Variants in USH2A observed in about 807,000 individuals in gnomAD.
USH2A encodes the protein Usher syndrome 2A (autosomal recessive, mild).
A neutral mutation model predicts 538.9 loss-of-function variants in USH2A; 443 were observed. That is an observed-to-expected ratio of 0.82 (90% confidence interval 0.76 to 0.89). The LOEUF is 0.89. Ranked by LOEUF, USH2A falls within the 40% of genes least tolerant of loss-of-function variation. The pLI, the probability that USH2A is intolerant of heterozygous loss-of-function variation, is 0.00. For missense variants in USH2A, 6,633 were observed against 6,324.8 expected (o/e 1.05, Z -1.65); for synonymous variants, 2,413 against 2,273.5 (o/e 1.06, Z -1.75).
At chr1:216,362,001 A>T (rs1455361812) in intron 4 of USH2A, among the ~76,000 whole-genome samples, 1 of 152,058 alleles carries the variant, frequency 6.6e-6, no homozygotes, top group African/African-American at 2.4e-5. Context: ...TCATTAGGGG[A>T]CTCTGAGATT....
intron 64 of USH2A, among the ~76,000 whole-genome samples, chr1:215,651,814 C>T (rs1571931906): frequency 6.6e-6 from 1 of 152,264 alleles, no homozygotes; most frequent in African/African-American, 2.4e-5. Flanking sequence ...AGAGAAGAAA[C>T]ATTAGACAGA....
chr1:216,374,296 A>AG (rs1056924607), intron 3 of USH2A, among the ~76,000 whole-genome samples: 3 of 151,832 alleles, frequency 2.0e-5, no homozygotes, highest in Non-Finnish European at 4.4e-5. Flanking sequence ...CCCAAAAAAA[A>AG]AAAGAGTTCT....
At chr1:216,278,002 C>G (rs1334225554) in intron 11 of USH2A, among the ~76,000 whole-genome samples, 1 of 152,092 alleles carries the variant, frequency 6.6e-6, no homozygotes, top group Non-Finnish European at 1.5e-5. Context: ...TTTGTTACAT[C>G]TGTTTAGCCT....
At chr1:216,271,397 T>C (rs1162942220) in intron 11 of USH2A, among the ~76,000 whole-genome samples, 1 of 152,018 alleles carries the variant, frequency 6.6e-6, no homozygotes, top group African/African-American at 2.4e-5. Context: ...GAGGAGGGGA[T>C]TGTATGTGGG....
intron 61 of USH2A, among the ~76,000 whole-genome samples, chr1:215,701,173 C>T (rs149271196): frequency 0.025 from 3,770 of 152,108 alleles, 148 homozygotes; most frequent in African/African-American, 0.086. Flanking sequence ...TTCTGAGAGA[C>T]TGTTATGATT....
chr1:216,332,490 G>A (rs2037887091), intron 4 of USH2A, among the ~76,000 whole-genome samples: 1 of 152,110 alleles, frequency 6.6e-6, no homozygotes, highest in African/African-American at 2.4e-5. Flanking sequence ...GGCTAAGTAT[G>A]TGCTCAGGTA....
chr1:216,005,695 A>G lies in USH2A; in HGVS notation c.6326-5133T>C, dbSNP rs184885023. Reference sequence around the variant, plus strand: ...TAAGACAAAGGAGATTTACCATTAAATACGAGAAAAAGGCAAAGCTGTACC... The same window carrying G: ...TAAGACAAAGGAGATTTACCATTAAGTACGAGAAAAAGGCAAAGCTGTACC... On this transcript the variant is annotated intron_variant, in intron 32 of 71. Coordinates refer to ENST00000307340, the MANE Select transcript of USH2A (RefSeq NM_206933.4). 2.1e-3 allele frequency among the ~76,000 whole-genome samples: 327 copies of G among 152,314 alleles called. 1 individual carries two copies. Among genetic ancestry groups the G allele is most frequent in the Non-Finnish European group, 3.8e-3 (259 of 68,020 alleles).
At chr1:216,207,061 A>G (rs560437912) in intron 16 of USH2A, among the ~76,000 whole-genome samples, 1 of 152,088 alleles carries the variant, frequency 6.6e-6, no homozygotes, top group African/African-American at 2.4e-5. Context: ...ATCTTTGAGA[A>G]TGTGATAAGC....
intron 20 of USH2A, 103 bp downstream of exon 20, chr1:216,190,120 G>C (rs1423569906): frequency 1.4e-5 from 21 of 1,492,314 alleles, no homozygotes; most frequent in Non-Finnish European, 1.9e-5. Context: ...TAGTGAGGGA[G>C]GAGAAGACAA....
intron 21 of USH2A, among the ~76,000 whole-genome samples, chr1:216,153,141 A>ATT (rs2033873289): frequency 6.6e-6 from 1 of 152,082 alleles, no homozygotes; most frequent in Non-Finnish European, 1.5e-5. Context: ...AATCCCCCAC[A>ATT]TTTACCATCC....
intron 9 of USH2A, among the ~76,000 whole-genome samples, chr1:216,321,188 C>G (rs1398096844): frequency 6.6e-6 from 1 of 152,122 alleles, no homozygotes; most frequent in Non-Finnish European, 1.5e-5. Context: ...ATTATCTACT[C>G]TCATTATTGG....
At chr1:216,386,682 C>T (rs995280133) in intron 3 of USH2A, among the ~76,000 whole-genome samples, 1 of 150,780 alleles carries the variant, frequency 6.6e-6, no homozygotes, top group African/African-American at 2.4e-5. Flanking sequence ...AGTGAAACCC[C>T]GTCTCTACTA....
At chr1:215,913,428 T>C (rs1439353474) in intron 38 of USH2A, among the ~76,000 whole-genome samples, 1 of 152,120 alleles carries the variant, frequency 6.6e-6, no homozygotes, top group Non-Finnish European at 1.5e-5. Context: ...ACCTGTTAAA[T>C]GACTAAGACT....
intron 59 of USH2A, among the ~76,000 whole-genome samples, chr1:215,742,407 CAT>C (rs1383253048): frequency 3.3e-5 from 5 of 151,680 alleles, no homozygotes; most frequent in Non-Finnish European, 7.4e-5. Context: ...CGTTATATAA[CAT>C]ATATGATGAG....
chr1:216,348,326 T>A (rs1276649085), intron 4 of USH2A, among the ~76,000 whole-genome samples: 1 of 152,178 alleles, frequency 6.6e-6, no homozygotes, highest in Non-Finnish European at 1.5e-5. Context: ...TCTTGACTTA[T>A]AAAGCCAATA....
At chr1:215,682,866 A>AT (rs1558052278) in intron 61 of USH2A, among the ~76,000 whole-genome samples, 14 of 151,102 alleles carry the variant, frequency 9.3e-5, no homozygotes, top group South Asian at 2.1e-4. Context: ...TATTTATTTA[A>AT]TTTATTATTA....
Position 215,675,611 on chromosome 1 carries a change from G to T in USH2A, c.12300C>A (p.Tyr4100Ter), listed in dbSNP as rs1657997730. 4 of 1,614,088 alleles carry T rather than the reference G, an allele frequency of 2.5e-6. No individual in the cohort carries two copies. The highest frequency in any genetic ancestry group is 3.4e-6 in the Non-Finnish European group (4 of 1,179,992). The change falls in exon 63 of 72, where the codon TAC (tyrosine) becomes TAA (stop). Residue 4100 changes from tyrosine to a stop codon, truncating the protein, a stop_gained. Transcript: ENST00000307340. LOFTEE classifies it high-confidence loss of function. The part of the protein sequence containing the change: ...PMRTNGVIKT[Y>*]NIFSDGFLEY... ...CCAGGAACCCGTCACTGAAGATGTT[G>T]TATGTCTACAGAAGGACAGAAGCAA...
chr1:216,124,492 G>A (rs779088920), intron 21 of USH2A, among the ~76,000 whole-genome samples: 23 of 152,006 alleles, frequency 1.5e-4, no homozygotes, highest in African/African-American at 3.4e-4. Flanking sequence ...AGAAAAAGGC[G>A]GAGGGAAACC....
intron 32 of USH2A, among the ~76,000 whole-genome samples, chr1:216,007,992 C>T (rs184079294): frequency 2.0e-5 from 3 of 152,324 alleles, no homozygotes; most frequent in Admixed American, 6.5e-5. Flanking sequence ...AGCACCTCAC[C>T]TATGCTTATC....
Sources: gnomAD v4.1 joint callset for allele counts (sites outside exome capture counted in the v4.1 genomes callset) on GRCh38, gnomAD v4.1.1 for gene constraint, MANE v1.5 for transcripts, NCBI Gene and HGNC (gene_info 2026-07-23, HGNC 2026-07-21) for gene names.